The following ARHGEF28 variants were observed in gnomAD, a reference collection of about 807,000 sequenced individuals.
The protein encoded by ARHGEF28 is Rho guanine nucleotide exchange factor 28, also known as 190 kDa guanine nucleotide exchange factor.
Under a neutral mutation model 206.6 loss-of-function variants are expected in ARHGEF28, and 152 were observed. The observed-to-expected ratio is 0.74, with a 90% confidence interval of 0.64 to 0.84. ARHGEF28 has a LOEUF of 0.84. ARHGEF28 is among the 40% of genes least tolerant of loss of function. ARHGEF28 has a pLI of 0.00. For synonymous variants in ARHGEF28, 763 were observed against 776.4 expected (o/e 0.98, Z 0.29); for missense variants, 2,028 against 2,073.2 (o/e 0.98, Z 0.42).
intron 4 of ARHGEF28, among the ~76,000 whole-genome samples, chr5:73,768,982 C>G (rs1282922959): frequency 6.6e-6 from 1 of 152,028 alleles, no homozygotes; most frequent in Non-Finnish European, 1.5e-5. Flanking sequence ...TTTCCCTGCA[C>G]AAGCTCCCTC....
intron 29 of ARHGEF28, among the ~76,000 whole-genome samples, chr5:73,896,762 C>T (rs1284718416): frequency 1.3e-5 from 2 of 152,260 alleles, no homozygotes; most frequent in East Asian, 1.9e-4. Context: ...CTCTCAGTAT[C>T]AGCCAGTGGC....
At chr5:73,790,039 A>G (rs911365658) in intron 7 of ARHGEF28, among the ~76,000 whole-genome samples, 3 of 152,214 alleles carry the variant, frequency 2.0e-5, no homozygotes, top group South Asian at 2.1e-4. Context: ...TCACAGTAAG[A>G]GTAGGCACAC....
intron 2 of ARHGEF28, among the ~76,000 whole-genome samples, chr5:73,704,175 A>G (rs529261107): frequency 1.3e-5 from 2 of 152,180 alleles, no homozygotes; most frequent in Non-Finnish European, 2.9e-5. Flanking sequence ...AGTGAATGTT[A>G]CTATGTTGTC....
At chr5:73,744,171 A>G (rs1028522199) in intron 2 of ARHGEF28, among the ~76,000 whole-genome samples, 2 of 152,202 alleles carry the variant, frequency 1.3e-5, no homozygotes, top group Non-Finnish European at 2.9e-5. Context: ...CTGTATTTGT[A>G]TACATGTGCA....
intron 35 of ARHGEF28, among the ~76,000 whole-genome samples, chr5:73,932,564 A>C (rs1380816034): frequency 6.6e-6 from 1 of 152,146 alleles, no homozygotes; most frequent in Non-Finnish European, 1.5e-5. Flanking sequence ...CTACATTTTC[A>C]GTTTGTTTTT....
At chr5:73,876,069 A>G (rs1299414430) in intron 22 of ARHGEF28, among the ~76,000 whole-genome samples, 1 of 148,802 alleles carries the variant, frequency 6.7e-6, no homozygotes, top group African/African-American at 2.5e-5. Context: ...ATGTTCTTCC[A>G]TTTGTTTGTA....
intron 13 of ARHGEF28, among the ~76,000 whole-genome samples, chr5:73,851,127 C>G (rs1758670605): frequency 6.6e-6 from 1 of 152,164 alleles, no homozygotes; most frequent in Non-Finnish European, 1.5e-5. Flanking sequence ...AAGATATATT[C>G]TAATGTTTCA....
At chr5:73,894,912 G>A (rs1203076599) in intron 29 of ARHGEF28, among the ~76,000 whole-genome samples, 2 of 152,178 alleles carry the variant, frequency 1.3e-5, no homozygotes, top group African/African-American at 4.8e-5. Context: ...GGTATCTTGA[G>A]GGAGAGTCTT....
intron 6 of ARHGEF28, among the ~76,000 whole-genome samples, chr5:73,777,396 C>T (rs75637875): frequency 0.07 from 10,573 of 152,122 alleles, 365 homozygotes; most frequent in Middle Eastern, 0.089. Context: ...AACACACTAA[C>T]CAGATCCTAT....
rs182240415 is a variant in ARHGEF28 at position 73,844,358 on chromosome 5, A to C, written c.1428-1910A>C. Among the ~76,000 whole-genome samples the C allele has an allele frequency of 1.2e-3, 183 of 152,306 alleles. 1 individual carries two copies. The highest frequency in any genetic ancestry group is 8.5e-4 in the Admixed American group (13 of 15,294). ...TGAAAGACAAGTGCTGAGGTACAAG[A>C]CATGGGCAAGCTTCAGCCCGCCTTG... On this transcript the variant is annotated intron_variant, in intron 11 of 35. Transcript: ENST00000513042.
At chr5:73,666,441 T>C (rs2112202868) in intron 1 of ARHGEF28, among the ~76,000 whole-genome samples, 1 of 152,338 alleles carries the variant, frequency 6.6e-6, no homozygotes, top group Middle Eastern at 3.4e-3. Context: ...GGAATTACCC[T>C]AGTGGAGGCT....
At chr5:73,826,859 G>C (rs935470042) in intron 9 of ARHGEF28, among the ~76,000 whole-genome samples, 1 of 152,148 alleles carries the variant, frequency 6.6e-6, no homozygotes, top group African/African-American at 2.4e-5. Context: ...TTGACCTCAC[G>C]GAGCCCTTGT....
intron 14 of ARHGEF28, among the ~76,000 whole-genome samples, chr5:73,855,887 T>C (rs1245979814): frequency 6.6e-6 from 1 of 151,878 alleles, no homozygotes; most frequent in Non-Finnish European, 1.5e-5. Context: ...TAACCAATAA[T>C]TAATTTTCTT....
At chr5:73,875,480 A>G (rs1203135053) in intron 22 of ARHGEF28, among the ~76,000 whole-genome samples, 3 of 148,152 alleles carry the variant, frequency 2.0e-5, no homozygotes, top group South Asian at 4.3e-4. Flanking sequence ...TGTTTTAGAC[A>G]TGAAGTCCTT....
At chr5:73,766,413 T>G (rs1348418402) in intron 4 of ARHGEF28, among the ~76,000 whole-genome samples, 1 of 152,234 alleles carries the variant, frequency 6.6e-6, no homozygotes, top group Admixed American at 6.5e-5. Flanking sequence ...TAAAAATAAC[T>G]TGTAAAACTC....
chr5:73,659,365 C>T (rs1048476211), intron 1 of ARHGEF28, among the ~76,000 whole-genome samples: 2 of 152,080 alleles, frequency 1.3e-5, no homozygotes, highest in African/African-American at 4.8e-5. Flanking sequence ...CCCGTCTCTA[C>T]TAAAAATACA....
At chr5:73,737,580 C>T (rs1214286305) in intron 2 of ARHGEF28, among the ~76,000 whole-genome samples, 1 of 150,624 alleles carries the variant, frequency 6.6e-6, no homozygotes, top group East Asian at 1.9e-4. Flanking sequence ...GGTGTGATCT[C>T]AGCTCACTGC....
chr5:73,782,106 C>G (rs1012548710), intron 7 of ARHGEF28, among the ~76,000 whole-genome samples: 1 of 145,638 alleles, frequency 6.9e-6, no homozygotes, highest in African/African-American at 2.6e-5. Flanking sequence ...ATACTATGAT[C>G]TTAAACTCTT....
chr5:73,931,497 T>G (rs1288201142), intron 35 of ARHGEF28, among the ~76,000 whole-genome samples: 1 of 152,170 alleles, frequency 6.6e-6, no homozygotes, highest in Non-Finnish European at 1.5e-5. Flanking sequence ...TATCCTCTGA[T>G]TTTTCTGTTT....
Sources: allele counts gnomAD v4.1 joint callset (sites outside exome capture counted in the v4.1 genomes callset), GRCh38; gene constraint gnomAD v4.1.1; transcripts MANE v1.5; gene names NCBI Gene and HGNC (gene_info 2026-07-23, HGNC 2026-07-21).